KCNMA1: variants seen among roughly 807,000 people sequenced by gnomAD.
The protein encoded by KCNMA1 is potassium calcium-activated channel subfamily M alpha 1.
KCNMA1 carries 29 observed loss-of-function variants against 140.0 expected under a neutral mutation model. The ratio of observed to expected loss-of-function variants is 0.21; its 90% CI spans 0.15 to 0.28. The LOEUF (loss-of-function observed/expected upper bound fraction) is 0.28, where lower values mean the gene tolerates loss of function less well. Ranked by LOEUF, KCNMA1 falls within the 10% of genes least tolerant of loss-of-function variation. KCNMA1 has a pLI of 1.00. For synonymous variants in KCNMA1, 612 were observed against 611.9 expected, an observed-to-expected ratio of 1.00 and a Z score of 0.00; for missense variants, 880 against 1,602.2, an observed-to-expected ratio of 0.55 and a Z score of 7.70.
At chr10:77,291,827 C>T (rs1194234319) in intron 2 of KCNMA1, among the ~76,000 whole-genome samples, 1 of 152,080 alleles carries the variant, frequency 6.6e-6, no homozygotes, top group African/African-American at 2.4e-5. Flanking sequence ...TCAAGGTGTT[C>T]TTAATTCTGC....
At chr10:77,513,947 G>C (rs2049330482) in intron 1 of KCNMA1, among the ~76,000 whole-genome samples, 1 of 152,232 alleles carries the variant, frequency 6.6e-6, no homozygotes, top group South Asian at 2.1e-4. Flanking sequence ...CCGCAGTGCT[G>C]CCTGCCCAGG....
intron 25 of KCNMA1, chr10:76,904,311 C>A: frequency 6.6e-6 from 1 of 152,220 alleles, no homozygotes; most frequent in East Asian, 1.9e-4. Context: ...ATGCAAACTC[C>A]TGCCCTGGGC....
At chr10:77,544,034 C>T (rs1310307510) in intron 1 of KCNMA1, among the ~76,000 whole-genome samples, 1 of 152,022 alleles carries the variant, frequency 6.6e-6, no homozygotes, top group Non-Finnish European at 1.5e-5. Context: ...GTACTTGTTT[C>T]CTCTTAGAAA....
intron 25 of KCNMA1, among the ~76,000 whole-genome samples, chr10:76,893,617 G>A (rs113403204): frequency 0.044 from 6,646 of 152,180 alleles, 464 homozygotes; most frequent in African/African-American, 0.15. Context: ...GCGGGCACCT[G>A]TAATCCCAGA....
chr10:76,992,703 T>C (rs2083135286), intron 19 of KCNMA1, among the ~76,000 whole-genome samples: 1 of 152,150 alleles, frequency 6.6e-6, no homozygotes, highest in African/African-American at 2.4e-5. Flanking sequence ...AGGTCAATGG[T>C]GTACACAAAT....
rs188984263 is a variant in KCNMA1 at position 77,016,216 on chromosome 10, T to A, written c.2015+2797A>T. On this transcript the variant is annotated intron_variant, in intron 17 of 27. Coordinates refer to ENST00000286628, the MANE Select transcript of KCNMA1 (RefSeq NM_001161352.2). ...TCCCTGCCTGATGGATTATTTCCCT[T>A]CATCTCAATCTCTGCTCAAATACCA... Among the ~76,000 whole-genome samples the A allele has an allele frequency of 2.8e-4, 42 of 152,230 alleles. No individual in the cohort carries two copies. The East Asian group carries it at 7.7e-3, about 28-fold the overall frequency.
At chr10:77,129,051 T>C (rs1261971155) in intron 5 of KCNMA1, among the ~76,000 whole-genome samples, 2 of 152,228 alleles carry the variant, frequency 1.3e-5, no homozygotes, top group African/African-American at 4.8e-5. Context: ...TCCCACCAGA[T>C]TCAACGGGTC....
chr10:77,479,843 A>G (rs2098352853), intron 1 of KCNMA1, among the ~76,000 whole-genome samples: 1 of 152,044 alleles, frequency 6.6e-6, no homozygotes, highest in South Asian at 2.1e-4. Flanking sequence ...AAGTTGTTTA[A>G]CCTTTCACGT....
chr10:77,329,271 T>C (rs1385349791), intron 2 of KCNMA1, among the ~76,000 whole-genome samples: 1 of 152,224 alleles, frequency 6.6e-6, no homozygotes, highest in Non-Finnish European at 1.5e-5. Flanking sequence ...GCTACTGCTA[T>C]GGTCTGAATG....
At chr10:77,173,767 A>C (rs1389870788) in intron 5 of KCNMA1, among the ~76,000 whole-genome samples, 2 of 152,160 alleles carry the variant, frequency 1.3e-5, no homozygotes, top group Non-Finnish European at 2.9e-5. Context: ...GTCCAAGTTG[A>C]AAGTCAGCTG....
intron 1 of KCNMA1, among the ~76,000 whole-genome samples, chr10:77,417,812 C>T (rs1461491202): frequency 1.3e-5 from 2 of 152,190 alleles, no homozygotes; most frequent in East Asian, 1.9e-4. Context: ...CAGCCTTTCC[C>T]CACACTTAAG....
chr10:77,050,746 G>A (rs1329846151), intron 14 of KCNMA1, among the ~76,000 whole-genome samples: 1 of 152,088 alleles, frequency 6.6e-6, no homozygotes, highest in Non-Finnish European at 1.5e-5. Context: ...AAGAATAAGG[G>A]GCAAGTATTC....
chr10:76,890,458 T>A (rs140000547), intron 26 of KCNMA1, among the ~76,000 whole-genome samples: 1 of 152,126 alleles, frequency 6.6e-6, no homozygotes, highest in Non-Finnish European at 1.5e-5. Flanking sequence ...TTTATCCTAA[T>A]CAAGTGCATC....
intron 2 of KCNMA1, among the ~76,000 whole-genome samples, chr10:77,261,433 A>G (rs1462901212): frequency 6.6e-6 from 1 of 152,188 alleles, no homozygotes; most frequent in African/African-American, 2.4e-5. Flanking sequence ...ATAGGGCCAG[A>G]GTTATGTGAA....
intron 2 of KCNMA1, among the ~76,000 whole-genome samples, chr10:77,366,525 T>A (rs934242635): frequency 1.3e-5 from 2 of 152,208 alleles, no homozygotes; most frequent in African/African-American, 4.8e-5. Context: ...TTATTTTTGT[T>A]ACACCACACA....
chr10:77,234,125 C>T (rs1266404594), intron 3 of KCNMA1, among the ~76,000 whole-genome samples: 1 of 152,008 alleles, frequency 6.6e-6, no homozygotes, highest in Admixed American at 6.6e-5. Flanking sequence ...TAAAAATGCC[C>T]TAATCAAGAA....
At chr10:77,278,795 T>C (rs1426584669) in intron 2 of KCNMA1, among the ~76,000 whole-genome samples, 1 of 152,210 alleles carries the variant, frequency 6.6e-6, no homozygotes, top group Non-Finnish European at 1.5e-5. Flanking sequence ...GCGTCACAGC[T>C]AAAAGGAAAA....
intron 14 of KCNMA1, among the ~76,000 whole-genome samples, chr10:77,068,114 G>T (rs2096029941): frequency 6.6e-6 from 1 of 152,176 alleles, no homozygotes; most frequent in African/African-American, 2.4e-5. Flanking sequence ...ACATCCGCAT[G>T]CAGGTTGTTG....
intron 2 of KCNMA1, among the ~76,000 whole-genome samples, chr10:77,368,302 G>T (rs1024456061): frequency 1.3e-5 from 2 of 152,154 alleles, no homozygotes; most frequent in African/African-American, 4.8e-5. Context: ...AGATGCTGAT[G>T]TTCTTTTTCT....
Sources: gnomAD v4.1 joint callset for allele counts (sites outside exome capture counted in the v4.1 genomes callset) on GRCh38, gnomAD v4.1.1 for gene constraint, MANE v1.5 for transcripts, NCBI Gene and HGNC (gene_info 2026-07-23, HGNC 2026-07-21) for gene names.